RPS6KA5: variants seen among roughly 807,000 people sequenced by gnomAD.
RPS6KA5 encodes ribosomal protein S6 kinase alpha-5.
Under a neutral mutation model 85.5 loss-of-function variants are expected in RPS6KA5, and 27 were observed. The observed-to-expected ratio is 0.32, with a 90% CI of 0.23 to 0.44. RPS6KA5 has a LOEUF of 0.44. Among genes scored for constraint, RPS6KA5 ranks in the 20% least tolerant of loss-of-function variants. The pLI is 1.00. For synonymous variants in RPS6KA5, 334 were observed against 348.2 expected (o/e 0.96, Z 0.46); for missense variants, 811 against 980.9 (o/e 0.83, Z 2.31).
In RPS6KA5 at chr14:90,869,046, A is replaced by G. The variant is rs1026875397; in HGVS notation, c.*3028T>C. The G allele has an allele frequency of 6.6e-6, 1 of 152,132 alleles. No individual in the cohort carries two copies. Among genetic ancestry groups the G allele is most frequent in the Admixed American group, 6.5e-5 (1 of 15,272 alleles). 9.4% of individuals were successfully genotyped at this position (152,132 alleles called of 1,614,324 possible). On this transcript the variant is annotated 3_prime_UTR_variant, in exon 17 of 17. Transcript: ENST00000614987. ...TATAAAGGTTTGGAAGAATTAATGAATTTCTTTTTTTCTTAAGACAGGGTC... is the reference window on the plus strand; with the variant it reads ...TATAAAGGTTTGGAAGAATTAATGAGTTTCTTTTTTTCTTAAGACAGGGTC...
intron 6 of RPS6KA5, 41 bp from the exon 7 acceptor site, chr14:90,920,350 T>G: frequency 7.7e-7 from 1 of 1,292,916 alleles, no homozygotes; most frequent in Non-Finnish European, 1.1e-6. Context: ...AATTATCAAC[T>G]AAAATATTTT....
intron 3 of RPS6KA5, among the ~76,000 whole-genome samples, chr14:90,965,329 G>C (rs1338973406): frequency 6.6e-6 from 1 of 152,056 alleles, no homozygotes; most frequent in African/African-American, 2.4e-5. Flanking sequence ...AGCCGAGATC[G>C]CACCATGGCA....
intron 14 of RPS6KA5, among the ~76,000 whole-genome samples, chr14:90,878,630 T>C (rs1241555448): frequency 2.0e-5 from 3 of 152,190 alleles, no homozygotes; most frequent in African/African-American, 7.2e-5. Context: ...TCCGCAGAAG[T>C]GGAATGATGT....
chr14:90,874,410 G>A (rs2033317562), intron 15 of RPS6KA5, among the ~76,000 whole-genome samples: 1 of 152,198 alleles, frequency 6.6e-6, no homozygotes, highest in Admixed American at 6.5e-5. Context: ...TTAAGAGCAT[G>A]TAAAGACACG....
intron 13 of RPS6KA5, among the ~76,000 whole-genome samples, chr14:90,890,979 ACCTCCCC>A (rs1013905731): frequency 1.3e-5 from 2 of 150,612 alleles, no homozygotes; most frequent in African/African-American, 4.9e-5. Flanking sequence ...CCGCCAACCT[ACCTCCCC>A]CCATCTACTC....
intron 1 of RPS6KA5, among the ~76,000 whole-genome samples, chr14:91,011,283 C>T (rs1157764119): frequency 6.6e-6 from 1 of 151,950 alleles, no homozygotes; most frequent in Non-Finnish European, 1.5e-5. Context: ...GTCAAGAGAT[C>T]GAGACCATCC....
chr14:90,998,546 T>C (rs1286150), intron 2 of RPS6KA5, among the ~76,000 whole-genome samples: 32,049 of 152,152 alleles, frequency 0.21, 3,601 homozygotes, highest in East Asian at 0.31. Flanking sequence ...AGAACTGTGA[T>C]CCTCTTTCCC....
At chr14:90,939,368 C>T (rs922977108) in intron 5 of RPS6KA5, among the ~76,000 whole-genome samples, 2 of 152,216 alleles carry the variant, frequency 1.3e-5, no homozygotes, top group Admixed American at 1.3e-4. Context: ...TCTGAGCCCT[C>T]CAAACTGTTC....
chr14:90,929,406 T>C (rs1006842329), intron 5 of RPS6KA5, among the ~76,000 whole-genome samples: 1 of 152,102 alleles, frequency 6.6e-6, no homozygotes, highest in Non-Finnish European at 1.5e-5. Context: ...ATCTATAAAT[T>C]TGTGCACCTA....
rs562157352 is a variant in RPS6KA5 at position 90,875,990 on chromosome 14, C to T, written c.1837-630G>A. On this transcript the variant is annotated intron_variant, in intron 14 of 16. Coordinates refer to ENST00000614987, the MANE Select transcript of RPS6KA5 (RefSeq NM_004755.4). ...ATGGGTGCAGCACACCAACATGGCA[C>T]ATGTATACATATGTAAAAAACCTGC... Among the ~76,000 whole-genome samples the T allele has an allele frequency of 1.8e-3, 278 of 151,504 alleles. 2 individuals are homozygous for T. Among genetic ancestry groups the T allele is most frequent in the South Asian group, 0.013 (62 of 4,794 alleles).
intron 1 of RPS6KA5, among the ~76,000 whole-genome samples, chr14:91,006,520 C>A (rs2041024821): frequency 6.6e-6 from 1 of 152,182 alleles, no homozygotes; most frequent in African/African-American, 2.4e-5. Context: ...TCTCTCTCTG[C>A]TTTCCCTATG....
chr14:90,949,869 T>C (rs939872196), intron 3 of RPS6KA5, among the ~76,000 whole-genome samples: 2 of 152,230 alleles, frequency 1.3e-5, no homozygotes, highest in Admixed American at 1.3e-4. Flanking sequence ...ATACCTAAAA[T>C]ATCAAGTGAC....
intron 14 of RPS6KA5, among the ~76,000 whole-genome samples, chr14:90,877,210 C>A (rs894723560): frequency 6.6e-6 from 1 of 152,144 alleles, no homozygotes; most frequent in Non-Finnish European, 1.5e-5. Context: ...CATGAGAATG[C>A]GCAGAGTTTG....
chr14:91,020,000 C>G (rs2041677477), intron 1 of RPS6KA5, among the ~76,000 whole-genome samples: 1 of 152,190 alleles, frequency 6.6e-6, no homozygotes, highest in Non-Finnish European at 1.5e-5. Flanking sequence ...CAACCCTGTA[C>G]AGCATATGAC....
At chr14:90,968,927 T>C (rs1456979778) in intron 3 of RPS6KA5, among the ~76,000 whole-genome samples, 1 of 152,224 alleles carries the variant, frequency 6.6e-6, no homozygotes, top group African/African-American at 2.4e-5. Context: ...CACACATCTT[T>C]CATATTAGGA....
At chr14:90,962,256 T>A (rs1329186758) in intron 3 of RPS6KA5, among the ~76,000 whole-genome samples, 1 of 151,930 alleles carries the variant, frequency 6.6e-6, no homozygotes, top group African/African-American at 2.4e-5. Flanking sequence ...TGAAGCCCTA[T>A]TAAAGAATTT....
rs1313714093 is a variant in RPS6KA5, at chr14:90,894,075, CTA to C, written c.1644+336_1644+337del. ...ATACATCATTTGGAAAAAAAACCCT[CTA>C]AAATTATATGTAAGAGATATTATTT... is the stretch of plus-strand genomic sequence containing the variant. On this transcript the variant is annotated intron_variant, in intron 13 of 16. Transcript: ENST00000614987. 4 of 960,098 alleles carry C rather than the reference CTA, an allele frequency of 4.2e-6. No individual in the cohort carries two copies. In the African/African-American group the frequency reaches 7.0e-5, roughly 17 times the overall value. 59.5% of individuals were successfully genotyped at this position (960,098 alleles called of 1,614,324 possible). A position where few individuals can be genotyped will look rare whatever the true frequency, so the allele number is the denominator to read the frequency against.
chr14:91,027,792 G>C (rs753554701), intron 1 of RPS6KA5, among the ~76,000 whole-genome samples: 8 of 152,112 alleles, frequency 5.3e-5, no homozygotes, highest in Non-Finnish European at 1.2e-4. Flanking sequence ...GAGTTACACT[G>C]ACAGTTAAAT....
Position 91,054,317 on chromosome 14 carries a change from GA to G in RPS6KA5, c.103+6014del, listed in dbSNP as rs969121674. Among the ~76,000 whole-genome samples, 7 of 145,614 alleles carry G rather than the reference GA, an allele frequency of 4.8e-5. No homozygotes were observed. The South Asian group carries it at 6.5e-4, about 14-fold the overall frequency. Reference sequence around the variant, plus strand: ...TTAGACACAAGAATAAAATGAAAAAGAAAAAAAAAAGGTTTCATCAACATTA... The same window carrying G: ...TTAGACACAAGAATAAAATGAAAAAGAAAAAAAAAGGTTTCATCAACATTA... On this transcript the variant is annotated intron_variant, in intron 1 of 16. Coordinates refer to ENST00000614987, the MANE Select transcript of RPS6KA5 (RefSeq NM_004755.4).
Sources: allele counts gnomAD v4.1 joint callset (sites outside exome capture counted in the v4.1 genomes callset), GRCh38; gene constraint gnomAD v4.1.1; transcripts MANE v1.5; gene names NCBI Gene and HGNC (gene_info 2026-07-23, HGNC 2026-07-21).